The following TRIO variants were observed in gnomAD, a reference collection of about 807,000 sequenced individuals.
TRIO encodes trio Rho guanine nucleotide exchange factor, also known as triple functional domain protein.
In TRIO, 58 loss-of-function variants were observed where a neutral mutation model predicts 351.9. The observed-to-expected ratio is 0.16, with a 90% CI of 0.13 to 0.21. The LOEUF (loss-of-function observed/expected upper bound fraction) is 0.21. Among genes scored for constraint, TRIO ranks in the 10% least tolerant of loss-of-function variants. TRIO has a pLI of 1.00. For synonymous variants in TRIO, 1,758 were observed against 1,595.7 expected, an observed-to-expected ratio of 1.10 and a Z score of -2.42; for missense variants, 3,201 against 4,027.8, an observed-to-expected ratio of 0.79 and a Z score of 5.56.
intron 11 of TRIO, among the ~76,000 whole-genome samples, chr5:14,346,932 C>G (rs1484455793): frequency 1.3e-5 from 2 of 152,244 alleles, no homozygotes; most frequent in Non-Finnish European, 2.9e-5. Context: ...CCTCATACCC[C>G]ACAGGTCAGT....
chr5:14,151,369 TGTG>T (rs1338255944), intron 1 of TRIO, among the ~76,000 whole-genome samples: 1 of 98,074 alleles, frequency 1.0e-5, no homozygotes, highest in East Asian at 2.4e-4. Flanking sequence ...GTTTTTTCAT[TGTG>T]TGTGTGTGTG....
intron 33 of TRIO, among the ~76,000 whole-genome samples, chr5:14,412,339 G>C (rs1749275604): frequency 6.6e-6 from 1 of 152,068 alleles, no homozygotes; most frequent in Non-Finnish European, 1.5e-5. Flanking sequence ...TTTCTGTCAA[G>C]TGACGTTCTA....
intron 48 of TRIO, chr5:14,489,139 A>G (rs970835106): frequency 4.3e-6 from 3 of 704,366 alleles, no homozygotes; most frequent in African/African-American, 3.5e-5. Context: ...ACATTTCTCT[A>G]AAAGGGTCTG....
At position 14,290,443 on chromosome 5, in the gene TRIO, C is replaced by G. The variant is rs574143810; in HGVS notation, c.541-273C>G. Among the ~76,000 whole-genome samples the G allele has an allele frequency of 4.6e-5, 7 of 152,304 alleles. No individual in the cohort carries two copies. The South Asian group carries it at 1.5e-3, about 32-fold the overall frequency. On this transcript the variant is annotated intron_variant, in intron 4 of 56. Transcript: ENST00000344204. ...TCTCCATCTTCTTGGAAAGAAATCT[C>G]ATTTCTTTAGCTCTCATGAAATACA... is the stretch of plus-strand genomic sequence containing the variant.
At chr5:14,447,717 AAAAT>A (rs1432306585) in intron 34 of TRIO, among the ~76,000 whole-genome samples, 3 of 152,248 alleles carry the variant, frequency 2.0e-5, no homozygotes. Flanking sequence ...ACATTAGCCA[AAAAT>A]AAATATTCAT....
chr5:14,238,647 A>G (rs1459785205), intron 1 of TRIO, among the ~76,000 whole-genome samples: 2 of 152,242 alleles, frequency 1.3e-5, no homozygotes, highest in African/African-American at 4.8e-5. Flanking sequence ...AACTTTTCAT[A>G]TTTCATCTTT....
Position 14,290,985 on chromosome 5 carries a change from C to T in TRIO, c.810C>T (p.Ala270=), listed in dbSNP as rs746123955. ...HSQLKKKVIK[A]PIEDLDLEGQ... ...AGCTGAAGAAGAAGGTGATTAAGGC[C>T]CCCATCGAGGACCTGGATTTGGAGG... Residue 270 remains alanine (A), a synonymous_variant, in exon 5 of 57, where the codon GCC becomes GCT. Transcript: ENST00000344204. 5 of 1,614,014 alleles carry T rather than the reference C, an allele frequency of 3.1e-6. No homozygotes were observed. In the South Asian group the frequency reaches 3.3e-5, roughly 11 times the overall value.
At chr5:14,237,564 G>A (rs1179645556) in intron 1 of TRIO, among the ~76,000 whole-genome samples, 24 of 152,196 alleles carry the variant, frequency 1.6e-4, no homozygotes, top group Admixed American at 1.6e-3. Context: ...GGGCACATGT[G>A]TCGTGCGCAC....
rs146914455 is a variant in TRIO, at chr5:14,156,046, G to A, written c.157+12164G>A. On this transcript the variant is annotated intron_variant, in intron 1 of 56. Coordinates refer to ENST00000344204, the MANE Select transcript of TRIO (RefSeq NM_007118.4). ...CCACTTATTTATTTATATAAGTATG[G>A]CCTCAGAAATTCCTGTTTTATGCAA... 4.0e-3 allele frequency among the ~76,000 whole-genome samples: 604 copies of A among 152,118 alleles called. 6 individuals are homozygous for A. Among genetic ancestry groups the A allele is most frequent in the African/African-American group, 0.014 (576 of 41,470 alleles).
chr5:14,403,345 G>A (rs1176726549), intron 31 of TRIO, among the ~76,000 whole-genome samples: 3 of 97,850 alleles, frequency 3.1e-5, no homozygotes, highest in Admixed American at 9.2e-5. Flanking sequence ...TGGTGAGGGT[G>A]CAGCTTGTGA....
intron 10 of TRIO, among the ~76,000 whole-genome samples, chr5:14,333,383 A>G (rs1368632687): frequency 1.3e-5 from 2 of 152,156 alleles, no homozygotes; most frequent in East Asian, 1.9e-4. Context: ...CCCTTCACGG[A>G]TGAAAAGACG....
intron 1 of TRIO, among the ~76,000 whole-genome samples, chr5:14,219,504 T>G (rs1273225898): frequency 7.9e-5 from 12 of 152,230 alleles, no homozygotes; most frequent in Admixed American, 3.3e-4. Flanking sequence ...ATCAAAGCCT[T>G]AGGCTGTTTC....
intron 34 of TRIO, among the ~76,000 whole-genome samples, chr5:14,428,227 C>G (rs549821597): frequency 6.6e-6 from 1 of 152,078 alleles, no homozygotes; most frequent in East Asian, 1.9e-4. Flanking sequence ...AAAGTTTAGT[C>G]GAAAATATCG....
chr5:14,316,558 T>C lies in TRIO; in HGVS notation c.1546T>C (p.Leu516=), dbSNP rs1739397561. 1 of 1,614,208 alleles carries C rather than the reference T, an allele frequency of 6.2e-7. No homozygotes were observed. The highest frequency in any genetic ancestry group is 8.5e-7 in the Non-Finnish European group (1 of 1,180,040). Residue 516 remains leucine (L), a synonymous_variant, in exon 9 of 57, where the codon TTG becomes CTG. Coordinates refer to ENST00000344204, the MANE Select transcript of TRIO (RefSeq NM_007118.4). ...GCTCCTTGACAAGCTCCAGCGGCCCTTGACTCCCGGCAGCTCCGATTCCCT... is the reference window on the plus strand; with the variant it reads ...GCTCCTTGACAAGCTCCAGCGGCCCCTGACTCCCGGCAGCTCCGATTCCCT... ...KSLLDKLQRP[L]TPGSSDSLTA... is the part of the protein sequence containing the mutation.
chr5:14,337,112 C>A (rs1741488729), intron 11 of TRIO, among the ~76,000 whole-genome samples: 1 of 152,188 alleles, frequency 6.6e-6, no homozygotes, highest in South Asian at 2.1e-4. Flanking sequence ...AGACTTCTCT[C>A]AGATGCTAGT....
intron 2 of TRIO, among the ~76,000 whole-genome samples, chr5:14,274,719 GT>G (rs761091553): frequency 2.6e-5 from 4 of 152,110 alleles, no homozygotes; most frequent in East Asian, 3.9e-4. Flanking sequence ...TTGTTTGTTT[GT>G]TTTTTCCCCC....
At chr5:14,214,092 C>CAA (rs931885303) in intron 1 of TRIO, among the ~76,000 whole-genome samples, 7 of 152,180 alleles carry the variant, frequency 4.6e-5, no homozygotes, top group Non-Finnish European at 1.5e-5. Context: ...AGGGCTGTCA[C>CAA]TGCTTGAGTT....
chr5:14,250,818 G>C (rs578095057), intron 1 of TRIO, among the ~76,000 whole-genome samples: 1 of 152,318 alleles, frequency 6.6e-6, no homozygotes, highest in East Asian at 1.9e-4. Context: ...TAGCTGCCAT[G>C]AATTGTGCCC....
intron 21 of TRIO, among the ~76,000 whole-genome samples, chr5:14,386,546 T>C (rs42259): frequency 0.84 from 127,615 of 152,208 alleles, 53,652 homozygotes; most frequent in Middle Eastern, 0.85. Flanking sequence ...TAAAGCTTAA[T>C]GGAGAATAGC....
Sources: gnomAD v4.1 joint callset for allele counts (sites outside exome capture counted in the v4.1 genomes callset) on GRCh38, gnomAD v4.1.1 for gene constraint, MANE v1.5 for transcripts, NCBI Gene and HGNC (gene_info 2026-07-23, HGNC 2026-07-21) for gene names.